The following KCNAB1 variants were observed in gnomAD, a reference collection of about 807,000 sequenced individuals.
The protein encoded by KCNAB1 is voltage-gated potassium channel subunit beta-1.
In KCNAB1, 35 loss-of-function variants were observed where a neutral mutation model predicts 64.6. The observed-to-expected ratio is 0.54, with a 90% CI of 0.41 to 0.72. The LOEUF (loss-of-function observed/expected upper bound fraction) is 0.72, where lower values mean the gene tolerates loss of function less well. Among genes scored for constraint, KCNAB1 ranks in the 30% least tolerant of loss-of-function variants. The pLI is 0.00. For synonymous variants in KCNAB1, 177 were observed against 183.8 expected (o/e 0.96, Z 0.30); for missense variants, 401 against 512.9 (o/e 0.78, Z 2.11).
chr3:156,531,140 T>C (rs1458130944), intron 12 of KCNAB1, among the ~76,000 whole-genome samples: 1 of 152,206 alleles, frequency 6.6e-6, no homozygotes, highest in Non-Finnish European at 1.5e-5. Flanking sequence ...TGAGGGCAGC[T>C]GAGCGTGCTG....
intron 1 of KCNAB1, among the ~76,000 whole-genome samples, chr3:156,194,220 GT>G (rs201041627): frequency 0.044 from 6,448 of 146,820 alleles, 385 homozygotes; most frequent in South Asian, 0.29. Flanking sequence ...TCCATTTGTT[GT>G]TTTTTTTTTG....
At chr3:156,532,741 G>A (rs957153850) in intron 13 of KCNAB1, among the ~76,000 whole-genome samples, 4 of 152,144 alleles carry the variant, frequency 2.6e-5, no homozygotes, top group Admixed American at 1.3e-4. Flanking sequence ...TGGATTCTGT[G>A]AGGTTCCCTG....
intron 7 of KCNAB1, among the ~76,000 whole-genome samples, chr3:156,466,000 A>G (rs1713342681): frequency 6.6e-6 from 1 of 152,166 alleles, no homozygotes; most frequent in South Asian, 2.1e-4. Context: ...ATGAAAGTTT[A>G]CCCATTTAAA....
intron 1 of KCNAB1, among the ~76,000 whole-genome samples, chr3:156,196,983 C>T (rs746321626): frequency 3.9e-5 from 6 of 152,218 alleles, no homozygotes; most frequent in Non-Finnish European, 7.4e-5. Context: ...TCCATCAATA[C>T]CTAGTTTATT....
chr3:156,428,852 C>T (rs1238102661), intron 2 of KCNAB1, among the ~76,000 whole-genome samples: 3 of 152,150 alleles, frequency 2.0e-5, no homozygotes, highest in African/African-American at 7.2e-5. Flanking sequence ...AAAGAACACC[C>T]CCATACCTTT....
intron 1 of KCNAB1, among the ~76,000 whole-genome samples, chr3:156,210,298 T>C (rs754607954): frequency 2.6e-5 from 4 of 152,192 alleles, no homozygotes; most frequent in African/African-American, 9.6e-5. Context: ...TGAAGTGTTG[T>C]GTAAAGAACA....
chr3:156,464,333 C>T (rs1039691421), intron 6 of KCNAB1, among the ~76,000 whole-genome samples: 16 of 152,112 alleles, frequency 1.1e-4, no homozygotes, highest in African/African-American at 3.1e-4. Flanking sequence ...TTCTTATGGG[C>T]CTGCTGGCAT....
chr3:156,298,894 G>C (rs1158094201), intron 1 of KCNAB1, among the ~76,000 whole-genome samples: 3 of 152,198 alleles, frequency 2.0e-5, no homozygotes, highest in African/African-American at 4.8e-5. Context: ...ATTAGAAATA[G>C]AGTGATTGAG....
chr3:156,188,279 A>T (rs1350378059), intron 1 of KCNAB1, among the ~76,000 whole-genome samples: 5 of 152,100 alleles, frequency 3.3e-5, no homozygotes, highest in African/African-American at 1.2e-4. Flanking sequence ...AAAATAAAAA[A>T]TAAAAATGGC....
At chr3:156,517,890 G>A (rs899885641) in intron 11 of KCNAB1, among the ~76,000 whole-genome samples, 2 of 152,282 alleles carry the variant, frequency 1.3e-5, no homozygotes, top group South Asian at 2.1e-4. Context: ...CCATAAACTC[G>A]TAACAGAAAA....
intron 1 of KCNAB1, among the ~76,000 whole-genome samples, chr3:156,265,941 G>A (rs530127943): frequency 1.4e-4 from 21 of 152,210 alleles, no homozygotes; most frequent in South Asian, 4.2e-4. Flanking sequence ...GCAGTGAGTC[G>A]AGATTGCACC....
chr3:156,288,943 C>T (rs1177045969), intron 1 of KCNAB1, among the ~76,000 whole-genome samples: 1 of 152,194 alleles, frequency 6.6e-6, no homozygotes, highest in Non-Finnish European at 1.5e-5. Context: ...CTTTCTTCCT[C>T]CCTCTTCCTT....
chr3:156,357,344 G>A (rs1009031623), intron 1 of KCNAB1, among the ~76,000 whole-genome samples: 3 of 152,174 alleles, frequency 2.0e-5, no homozygotes, highest in Non-Finnish European at 4.4e-5. Flanking sequence ...AGTTAGAAAA[G>A]GAAGTCATAA....
chr3:156,238,284 T>C (rs1281916240), intron 1 of KCNAB1, among the ~76,000 whole-genome samples: 1 of 151,596 alleles, frequency 6.6e-6, no homozygotes, highest in Non-Finnish European at 1.5e-5. Context: ...TAGCTGGCCA[T>C]GGTGGTGGGC....
chr3:156,161,435 C>T (rs977759297), intron 1 of KCNAB1, among the ~76,000 whole-genome samples: 1 of 152,162 alleles, frequency 6.6e-6, no homozygotes, highest in Admixed American at 6.5e-5. Flanking sequence ...TTTGTTGACA[C>T]ACACAAACCA....
intron 1 of KCNAB1, among the ~76,000 whole-genome samples, chr3:156,403,892 T>TAAAAAAAAAAA (rs200824639): frequency 9.5e-5 from 13 of 136,866 alleles, no homozygotes; most frequent in Non-Finnish European, 1.4e-4. Flanking sequence ...AGACTCTGCC[T>TAAAAAAAAAAA]AAAAAAAAAA....
intron 1 of KCNAB1, among the ~76,000 whole-genome samples, chr3:156,329,310 G>A (rs1237933776): frequency 6.6e-6 from 1 of 152,158 alleles, no homozygotes; most frequent in Non-Finnish European, 1.5e-5. Context: ...AGCTGGAAAT[G>A]GGATGGAGAA....
At chr3:156,256,591 G>T (rs532723026) in intron 1 of KCNAB1, among the ~76,000 whole-genome samples, 1 of 152,346 alleles carries the variant, frequency 6.6e-6, no homozygotes, top group East Asian at 1.9e-4. Flanking sequence ...TATGCTAAAA[G>T]CAGCGTTGAA....
chr3:156,183,533 T>C (rs1013657946), intron 1 of KCNAB1, among the ~76,000 whole-genome samples: 28 of 152,242 alleles, frequency 1.8e-4, no homozygotes, highest in African/African-American at 6.5e-4. Flanking sequence ...CCCCTGAACA[T>C]TGAAGTTGAC....
Sources: allele counts gnomAD v4.1 joint callset (sites outside exome capture counted in the v4.1 genomes callset), GRCh38; gene constraint gnomAD v4.1.1; transcripts MANE v1.5; gene names NCBI Gene and HGNC (gene_info 2026-07-23, HGNC 2026-07-21).